Variants in SETD7 observed in about 807,000 individuals in gnomAD.
The protein encoded by SETD7 is SET domain containing 7, histone lysine methyltransferase.
In SETD7, 16 loss-of-function variants were observed where a neutral mutation model predicts 41.8. That is an observed-to-expected ratio of 0.38 (90% CI 0.26 to 0.58). The LOEUF (loss-of-function observed/expected upper bound fraction) is 0.58, where lower values mean the gene tolerates loss of function less well. Among genes scored for constraint, SETD7 ranks in the 20% least tolerant of loss-of-function variants. The probability of loss-of-function intolerance (pLI) is 0.64; values close to 1 mark genes in which losing one functional copy is unlikely to be tolerated. For synonymous variants in SETD7, 163 were observed against 169.7 expected, an observed-to-expected ratio of 0.96 and a Z score of 0.31; for missense variants, 346 against 459.7, an observed-to-expected ratio of 0.75 and a Z score of 2.26.
At chr4:139,532,147 C>A (rs1727498629) in intron 3 of SETD7, among the ~76,000 whole-genome samples, 1 of 152,028 alleles carries the variant, frequency 6.6e-6, no homozygotes, top group Non-Finnish European at 1.5e-5. Flanking sequence ...AAGTATTAAG[C>A]AAAATATTTT....
chr4:139,505,796 T>C (rs888810048), downstream of SETD7, among the ~76,000 whole-genome samples: 4 of 152,236 alleles, frequency 2.6e-5, no homozygotes, highest in Non-Finnish European at 2.9e-5. Flanking sequence ...TTACCATGTA[T>C]GTATTCAATC....
intron 1 of SETD7, among the ~76,000 whole-genome samples, chr4:139,547,612 T>C (rs932104732): frequency 9.8e-5 from 15 of 152,372 alleles, no homozygotes; most frequent in African/African-American, 3.4e-4. Flanking sequence ...CTCACTGTTA[T>C]TGTTATATTC....
intron 3 of SETD7, among the ~76,000 whole-genome samples, chr4:139,530,977 G>A (rs1368352510): frequency 6.6e-6 from 1 of 152,084 alleles, no homozygotes; most frequent in Non-Finnish European, 1.5e-5. Flanking sequence ...GCGTCAGGGA[G>A]TGTGGGGAAA....
chr4:139,538,002 T>C (rs1020749292), intron 2 of SETD7, among the ~76,000 whole-genome samples: 4 of 152,170 alleles, frequency 2.6e-5, no homozygotes, highest in African/African-American at 9.7e-5. Flanking sequence ...TGCATATTCA[T>C]GTGTATGATG....
At position 139,533,191 on chromosome 4, in the gene SETD7, G is replaced by A; in HGVS notation, c.346C>T (p.His116Tyr). The change falls in exon 3 of 8, where the codon CAT becomes TAT. Residue 116 changes from histidine (H) to tyrosine (Y), a missense_variant. His to Tyr is a moderately conservative substitution (Grantham distance 83, BLOSUM62 2). Coordinates refer to ENST00000274031, the MANE Select transcript of SETD7 (RefSeq NM_030648.4). ...GGGTAATATATCCAGCACACTCCAT[G>A]ACGAATGTTATCTTTATACTGCCCC... ...FKGQYKDNIR[H>Y]GVCWIYYPDG... 6.2e-7 allele frequency: 1 copy of A among 1,614,072 alleles called. No individual in the cohort carries two copies. Among genetic ancestry groups the A allele is most frequent in the East Asian group, 2.2e-5 (1 of 44,884 alleles).
rs1393678431 is a variant in SETD7 at position 139,508,751 on chromosome 4, T to C, written c.*2912A>G. On this transcript the variant is annotated 3_prime_UTR_variant, in exon 8 of 8. Transcript: ENST00000274031. ...CCAGATGCAGCGGCTTCCTGACACATTTCCTTCCCCAGCAGATGTAAAGTA... is the reference window on the plus strand; with the variant it reads ...CCAGATGCAGCGGCTTCCTGACACACTTCCTTCCCCAGCAGATGTAAAGTA... The C allele has an allele frequency of 6.6e-6, 1 of 152,212 alleles. No individual in the cohort carries two copies. The highest frequency in any genetic ancestry group is 2.4e-5 in the African/African-American group (1 of 41,446). 9.4% of individuals were successfully genotyped at this position (152,212 alleles called of 1,614,324 possible). A position where few individuals can be genotyped will look rare whatever the true frequency, so the allele number is the denominator to read the frequency against.
chr4:139,528,139 A>C (rs868856012), intron 4 of SETD7, among the ~76,000 whole-genome samples: 15 of 152,322 alleles, frequency 9.8e-5, no homozygotes, highest in Middle Eastern at 6.8e-3. Context: ...AAAATGCAAA[A>C]TCTTGATTTT....
At chr4:139,537,163 CG>C (rs374322780) in intron 2 of SETD7, among the ~76,000 whole-genome samples, 86 of 152,020 alleles carry the variant, frequency 5.7e-4, no homozygotes, top group African/African-American at 1.9e-3. Context: ...TTAGTAGAGA[CG>C]GGGTTTCTTC....
At chr4:139,535,672 T>A (rs1456813977) in intron 2 of SETD7, among the ~76,000 whole-genome samples, 2 of 152,186 alleles carry the variant, frequency 1.3e-5, no homozygotes, top group African/African-American at 4.8e-5. Context: ...CAAACTGCTA[T>A]TTCCCTCTTA....
At chr4:139,554,365 C>T (rs2111182815) in intron 1 of SETD7, among the ~76,000 whole-genome samples, 1 of 152,328 alleles carries the variant, frequency 6.6e-6, no homozygotes, top group South Asian at 2.1e-4. Context: ...TGTTTGTAAA[C>T]AGCTTCAAAG....
At chr4:139,503,871 T>C (rs546213286), downstream of SETD7, among the ~76,000 whole-genome samples, 4 of 152,330 alleles carry the variant, frequency 2.6e-5, no homozygotes, top group East Asian at 1.9e-4. Flanking sequence ...CCTGTAGCCA[T>C]TGCCAGTGAT....
chr4:139,528,941 A>G (rs1727405078), intron 4 of SETD7, 90 bp downstream of exon 4: 1 of 1,118,394 alleles, frequency 8.9e-7, no homozygotes, highest in South Asian at 1.3e-5. Context: ...AGAACTATAC[A>G]GAGAGGAAAA....
intron 2 of SETD7, among the ~76,000 whole-genome samples, chr4:139,541,849 G>A (rs940850385): frequency 4.6e-5 from 7 of 152,132 alleles, no homozygotes; most frequent in Admixed American, 4.6e-4. Context: ...AGACAGTTGT[G>A]AACAGGTAAA....
chr4:139,514,851 A>C (rs1726981391), intron 7 of SETD7, among the ~76,000 whole-genome samples: 1 of 152,176 alleles, frequency 6.6e-6, no homozygotes. Flanking sequence ...AGCTTATGGA[A>C]GTGTTTTGTT....
chr4:139,503,499 G>C (rs1733358745), downstream of SETD7, among the ~76,000 whole-genome samples: 1 of 151,976 alleles, frequency 6.6e-6, no homozygotes, highest in Non-Finnish European at 1.5e-5. Context: ...TCTGTAAAAT[G>C]GTGTGGTAAC....
chr4:139,545,835 G>C (rs536498995), intron 2 of SETD7, among the ~76,000 whole-genome samples: 1 of 152,142 alleles, frequency 6.6e-6, no homozygotes, highest in African/African-American at 2.4e-5. Flanking sequence ...TAAGTGGTGC[G>C]GTATCCTACA....
chr4:139,511,979 C>T, intron 7 of SETD7, 136 bp from the exon 8 acceptor site: 1 of 1,417,148 alleles, frequency 7.1e-7, no homozygotes, highest in Non-Finnish European at 9.2e-7. Context: ...AAAGTGTGGT[C>T]ACCCAGCATC....
intron 2 of SETD7, chr4:139,546,701 C>A: frequency 1.7e-6 from 1 of 605,684 alleles, no homozygotes; most frequent in Non-Finnish European, 2.8e-6. Context: ...CAAGCACACT[C>A]TGGGAGACAG....
chr4:139,531,318 AC>A (rs1237061678), intron 3 of SETD7, among the ~76,000 whole-genome samples: 2 of 152,210 alleles, frequency 1.3e-5, no homozygotes, highest in Non-Finnish European at 1.5e-5. Context: ...TGACTATGTC[AC>A]AAGTAAAATG....
Sources: gnomAD v4.1 joint callset for allele counts (sites outside exome capture counted in the v4.1 genomes callset) on GRCh38, gnomAD v4.1.1 for gene constraint, MANE v1.5 for transcripts, NCBI Gene and HGNC (gene_info 2026-07-23, HGNC 2026-07-21) for gene names.